HACE1: variants seen among roughly 807,000 people sequenced by gnomAD.
The protein encoded by HACE1 is E3 ubiquitin-protein ligase HACE1.
In HACE1, 73 loss-of-function variants were observed where a neutral mutation model predicts 118.4. That is an observed-to-expected ratio of 0.62 (90% CI 0.51 to 0.75). The LOEUF (loss-of-function observed/expected upper bound fraction) is 0.75, where lower values mean the gene tolerates loss of function less well. HACE1 is among the 30% of genes least tolerant of loss of function. HACE1 has a pLI of 0.00. For synonymous variants in HACE1, 368 were observed against 374.8 expected (o/e 0.98, Z 0.21); for missense variants, 749 against 1,102.2 (o/e 0.68, Z 4.54).
chr6:104,836,238 C>T (rs1015759844), intron 5 of HACE1, among the ~76,000 whole-genome samples: 7 of 151,964 alleles, frequency 4.6e-5, no homozygotes, highest in African/African-American at 9.7e-5. Flanking sequence ...CAGAAGTCTC[C>T]GTAAGAGACT....
At chr6:104,803,609 A>C (rs980795800) in intron 7 of HACE1, among the ~76,000 whole-genome samples, 3 of 152,224 alleles carry the variant, frequency 2.0e-5, no homozygotes, top group African/African-American at 7.2e-5. Context: ...ACCAACGGCA[A>C]AAACCACATG....
intron 22 of HACE1, among the ~76,000 whole-genome samples, chr6:104,738,844 G>A (rs1776260130): frequency 6.7e-6 from 1 of 150,296 alleles, no homozygotes; most frequent in Admixed American, 6.6e-5. Flanking sequence ...CTCGAGAAGA[G>A]CAACTCCAAG....
At chr6:104,730,463 T>C (rs1187621255) in intron 22 of HACE1, 47 bp from the exon 23 acceptor site, 1 of 921,602 alleles carries the variant, frequency 1.1e-6, no homozygotes, top group South Asian at 1.3e-5. Context: ...AGAAAGATAT[T>C]TGTGACAGAT....
chr6:104,859,407 G>A (rs886122777), intron 1 of HACE1, 160 bp downstream of exon 1: 11 of 602,962 alleles, frequency 1.8e-5, no homozygotes, highest in Admixed American at 3.7e-5. Context: ...CGGGCCAGGG[G>A]AGTTCGGGGC....
At chr6:104,739,694 T>G (rs1776399921) in intron 22 of HACE1, among the ~76,000 whole-genome samples, 1 of 151,528 alleles carries the variant, frequency 6.6e-6, no homozygotes, top group Non-Finnish European at 1.5e-5. Context: ...ACAAAGAGAC[T>G]TAGACTCCCA....
intron 7 of HACE1, among the ~76,000 whole-genome samples, chr6:104,798,736 C>T (rs529687077): frequency 1.9e-4 from 29 of 152,224 alleles, no homozygotes; most frequent in Non-Finnish European, 3.2e-4. Flanking sequence ...TTCTTTAACA[C>T]GCCTAAAAAT....
At chr6:104,745,892 CAG>C (rs1306434073) in intron 20 of HACE1, among the ~76,000 whole-genome samples, 6 of 152,170 alleles carry the variant, frequency 3.9e-5, no homozygotes, top group Non-Finnish European at 7.3e-5. Flanking sequence ...GAGATCTACT[CAG>C]TGGGTCCATG....
chr6:104,759,500 A>G (rs999978972), intron 19 of HACE1, among the ~76,000 whole-genome samples: 38 of 152,204 alleles, frequency 2.5e-4, no homozygotes, highest in African/African-American at 8.2e-4. Context: ...TCTGAAACCA[A>G]TGAGAACAAA....
At chr6:104,857,194 T>C (rs910710836) in intron 1 of HACE1, among the ~76,000 whole-genome samples, 1 of 142,520 alleles carries the variant, frequency 7.0e-6, no homozygotes, top group Non-Finnish European at 1.5e-5. Flanking sequence ...TATTTACATA[T>C]ATATTTACAT....
intron 19 of HACE1, among the ~76,000 whole-genome samples, chr6:104,770,516 T>G (rs1483900680): frequency 6.6e-6 from 1 of 151,972 alleles, no homozygotes; most frequent in Non-Finnish European, 1.5e-5. Flanking sequence ...GTCAGGAGTT[T>G]GAGACCATCC....
intron 1 of HACE1, among the ~76,000 whole-genome samples, chr6:104,856,675 T>G (rs1355212545): frequency 2.6e-5 from 4 of 152,170 alleles, no homozygotes; most frequent in Non-Finnish European, 5.9e-5. Context: ...CCTCAGGTGA[T>G]CCACCCACGT....
At chr6:104,837,322 C>G (rs1774642808) in intron 5 of HACE1, among the ~76,000 whole-genome samples, 1 of 152,106 alleles carries the variant, frequency 6.6e-6, no homozygotes, top group Non-Finnish European at 1.5e-5. Flanking sequence ...ATATAAAGTC[C>G]ACAAGTGGGT....
chr6:104,828,297 T>C (rs956593583), intron 6 of HACE1, among the ~76,000 whole-genome samples: 2 of 152,208 alleles, frequency 1.3e-5, no homozygotes, highest in African/African-American at 2.4e-5. Flanking sequence ...CACTGATCTG[T>C]GTACTTTTAC....
intron 1 of HACE1, among the ~76,000 whole-genome samples, chr6:104,858,887 T>A (rs749699661): frequency 2.3e-4 from 35 of 152,202 alleles, no homozygotes; most frequent in Non-Finnish European, 4.6e-4. Context: ...CCTGGCACGC[T>A]GAACTAAAAG....
At chr6:104,859,497 G>A in intron 1 of HACE1, 70 bp downstream of exon 1, 3 of 1,140,004 alleles carry the variant, frequency 2.6e-6, no homozygotes, top group Non-Finnish European at 3.6e-6. Context: ...CGACCTTGAC[G>A]CGGCCGGAGC....
At chr6:104,851,994 T>G (rs941329484) in intron 2 of HACE1, among the ~76,000 whole-genome samples, 1 of 152,222 alleles carries the variant, frequency 6.6e-6, no homozygotes, top group African/African-American at 2.4e-5. Flanking sequence ...AGATCAGTAG[T>G]GACCTCTAAA....
intron 14 of HACE1, among the ~76,000 whole-genome samples, chr6:104,778,655 G>T (rs545303809): frequency 1.3e-5 from 2 of 151,722 alleles, no homozygotes; most frequent in East Asian, 3.9e-4. Flanking sequence ...GTTTTAATTA[G>T]CCAAGCGTAG....
chr6:104,737,357 T>C (rs984089892), intron 22 of HACE1, among the ~76,000 whole-genome samples: 2 of 148,734 alleles, frequency 1.3e-5, no homozygotes, highest in African/African-American at 4.9e-5. Context: ...AGCTCCGGTC[T>C]ACAGCTCCCA....
rs1775058983 is a variant in HACE1 at position 104,730,269 on chromosome 6, T to C, written c.2627+34A>G. 4.0e-6 allele frequency: 4 copies of C among 995,784 alleles called. No individual in the cohort carries two copies. The East Asian group carries it at 7.1e-5, about 18-fold the overall frequency. The allele number at this position is 995,784 out of a possible 1,614,324, so 61.7% of individuals were successfully genotyped here. On this transcript the variant is annotated intron_variant, in intron 23 of 23. Transcript: ENST00000262903. Reference sequence around the variant, plus strand: ...ATCATTCAAAATTAATCAAAACAATTTGTAAAGCATTTAAATAAACCAAGT... The same window carrying C: ...ATCATTCAAAATTAATCAAAACAATCTGTAAAGCATTTAAATAAACCAAGT...
Sources: gnomAD v4.1 joint callset for allele counts (sites outside exome capture counted in the v4.1 genomes callset) on GRCh38, gnomAD v4.1.1 for gene constraint, MANE v1.5 for transcripts, NCBI Gene and HGNC (gene_info 2026-07-23, HGNC 2026-07-21) for gene names.